Variants in RFX7 observed in about 807,000 individuals in gnomAD.
RFX7 encodes the protein regulatory factor X7, also known as DNA-binding protein RFX7.
A neutral mutation model predicts 111.8 loss-of-function variants in RFX7; 26 were observed. The observed-to-expected ratio is 0.23, with a 90% confidence interval of 0.17 to 0.32. RFX7 has a LOEUF of 0.32. Ranked by LOEUF, RFX7 falls within the 10% of genes least tolerant of loss-of-function variation. The probability of loss-of-function intolerance (pLI) is 1.00; values close to 1 mark genes in which losing one functional copy is unlikely to be tolerated. For synonymous variants in RFX7, 624 were observed against 624.4 expected, an observed-to-expected ratio of 1.00 and a Z score of 0.01; for missense variants, 1,573 against 1,772.9, an observed-to-expected ratio of 0.89 and a Z score of 2.02.
intron 3 of RFX7, among the ~76,000 whole-genome samples, chr15:56,177,437 A>G (rs2042914687): frequency 6.6e-6 from 1 of 152,186 alleles, no homozygotes; most frequent in African/African-American, 2.4e-5. Context: ...AAGGATCATG[A>G]GAGGAGAGAT....
In RFX7 at chr15:56,095,339, C is replaced by A; in HGVS notation, c.2389G>T (p.Glu797Ter). 1 of 1,613,830 alleles carries A rather than the reference C, an allele frequency of 6.2e-7. No individual in the cohort carries two copies. The highest frequency in any genetic ancestry group is 1.1e-5 in the South Asian group (1 of 91,070). ...KDSEFISASC[E>*]QQQDISVMTI... ...ATAACACTGATATCTTGCTGTTGTT[C>A]ACAACTGGCAGATATAAACTCAGAA... Residue 797 changes from glutamate (E) to a stop codon, truncating the protein, a stop_gained, in exon 10 of 10, where the codon GAA becomes TAA. Transcript: ENST00000559447. LOFTEE classifies it high-confidence loss of function.
intron 3 of RFX7, among the ~76,000 whole-genome samples, chr15:56,160,982 T>C (rs2042713438): frequency 6.6e-6 from 1 of 152,110 alleles, no homozygotes; most frequent in Admixed American, 6.6e-5. Flanking sequence ...CAATTTTTAC[T>C]GTACTGTATT....
In RFX7 at chr15:56,087,467, A is replaced by T. The variant is rs1224935077; in HGVS notation, c.*5878T>A. 3 of 456,664 alleles carry T rather than the reference A, an allele frequency of 6.6e-6. No individual in the cohort carries two copies. The highest frequency in any genetic ancestry group is 1.3e-5 in the Non-Finnish European group (3 of 226,970). The allele number at this position is 456,664 out of a possible 1,614,324, so 28.3% of individuals were successfully genotyped here. The stretch of plus-strand genomic sequence containing the variant: ...CAGGAGGGCTGCTTGAGTTCTAGCC[A>T]TCACATTTGCATTCCAGCCAGCAGA... On this transcript the variant is annotated 3_prime_UTR_variant, in exon 10 of 10. Transcript: ENST00000559447.
At chr15:56,228,179 AT>A (rs1418541081) in intron 2 of RFX7, among the ~76,000 whole-genome samples, 2 of 150,282 alleles carry the variant, frequency 1.3e-5, no homozygotes, top group South Asian at 2.1e-4. Context: ...GCCTAGGCAT[AT>A]TTTTTTTTGG....
chr15:56,240,491 C>T (rs1475887932), intron 2 of RFX7, among the ~76,000 whole-genome samples: 2 of 152,002 alleles, frequency 1.3e-5, no homozygotes, highest in African/African-American at 4.8e-5. Context: ...TTTATCAAAC[C>T]ATATTTCAGT....
At chr15:56,128,439 ATAATG>A (rs1299400590) in intron 5 of RFX7, among the ~76,000 whole-genome samples, 1 of 152,220 alleles carries the variant, frequency 6.6e-6, no homozygotes, top group Non-Finnish European at 1.5e-5. Flanking sequence ...TATAAAAATA[ATAATG>A]TAATACACTA....
At chr15:56,239,479 C>G (rs1281578638) in intron 2 of RFX7, among the ~76,000 whole-genome samples, 1 of 151,962 alleles carries the variant, frequency 6.6e-6, no homozygotes, top group Non-Finnish European at 1.5e-5. Flanking sequence ...CATGGCCAGG[C>G]TGGTCTTGAA....
rs1555427637 is a variant in RFX7, at chr15:56,236,955, C to CAATACTAAAGCACATGCCTACTA, written c.161+6169_161+6170insTAGTAGGCATGTGCTTTAGTATT. Among the ~76,000 whole-genome samples the CAATACTAAAGCACATGCCTACTA allele has an allele frequency of 7.9e-5, 12 of 152,300 alleles. No homozygotes were observed. In the East Asian group the frequency reaches 9.7e-4, roughly 12 times the overall value. ...GATTTGCACAGTTAATCTCACATAA[C>CAATACTAAAGCACATGCCTACTA]AGAACCCTTGCACAAGGTAGCAATA... On this transcript the variant is annotated intron_variant, in intron 2 of 9. Transcript: ENST00000559447.
chr15:56,119,141 A>C (rs1291742252), intron 5 of RFX7, among the ~76,000 whole-genome samples: 2 of 152,264 alleles, frequency 1.3e-5, no homozygotes, highest in South Asian at 2.1e-4. Context: ...TCTGTGGGTT[A>C]TCTCTTCACT....
intron 2 of RFX7, among the ~76,000 whole-genome samples, chr15:56,238,007 G>A (rs377116314): frequency 2.0e-5 from 3 of 152,024 alleles, no homozygotes; most frequent in Non-Finnish European, 4.4e-5. Context: ...TGTGCTAGTC[G>A]GTCTGTATTT....
intron 3 of RFX7, among the ~76,000 whole-genome samples, chr15:56,153,830 TAGGAAGAG>T (rs2042611897): frequency 6.6e-6 from 1 of 152,132 alleles, no homozygotes; most frequent in African/African-American, 2.4e-5. Context: ...GGTATTCAAA[TAGGAAGAG>T]AGGAAGTCAA....
rs746076426 is a variant in RFX7 at position 56,096,077 on chromosome 15, G to A, written c.1651C>T (p.Gln551Ter). Residue 551 changes from glutamine (Q) to a stop codon, truncating the protein, a stop_gained, in exon 10 of 10, where the codon CAG becomes TAG. Transcript: ENST00000559447. LOFTEE classifies it high-confidence loss of function. The part of the protein sequence containing the change: ...PETSSDEHPV[Q>*]CQENSDEAKA... ...GCCTCATCAGAGTTCTCTTGGCACT[G>A]TACAGGATGCTCATCTGATGATGTT... 6.2e-7 allele frequency: 1 copy of A among 1,613,604 alleles called. No individual in the cohort carries two copies. Among genetic ancestry groups the A allele is most frequent in the Non-Finnish European group, 8.5e-7 (1 of 1,179,738 alleles).
chr15:56,228,012 T>C (rs181131632), intron 2 of RFX7, among the ~76,000 whole-genome samples: 11 of 152,276 alleles, frequency 7.2e-5, no homozygotes, highest in African/African-American at 2.6e-4. Flanking sequence ...TTCTTTTTCT[T>C]CAACACCGAT....
intron 5 of RFX7, among the ~76,000 whole-genome samples, chr15:56,115,728 G>C (rs2042001300): frequency 1.3e-5 from 2 of 152,056 alleles, no homozygotes. Context: ...CATGAGATCA[G>C]GAGATTGAGA....
intron 3 of RFX7, among the ~76,000 whole-genome samples, chr15:56,167,841 G>C (rs376888896): frequency 6.6e-6 from 1 of 152,058 alleles, no homozygotes; most frequent in African/African-American, 2.4e-5. Flanking sequence ...TTTCACTTTA[G>C]TGAGCACACT....
intron 2 of RFX7, chr15:56,189,836 ATAAGTATTTATCC>A: frequency 1.3e-5 from 2 of 152,374 alleles, no homozygotes; most frequent in Middle Eastern, 3.4e-3. Flanking sequence ...TAAACCTACC[ATAAGTATTTATCC>A]AACAGGAATC....
At chr15:56,183,853 G>A (rs1331892094) in intron 2 of RFX7, among the ~76,000 whole-genome samples, 1 of 152,078 alleles carries the variant, frequency 6.6e-6, no homozygotes, top group African/African-American at 2.4e-5. Flanking sequence ...TCCTTAAAAT[G>A]TCATTTCCTT....
rs2041554557 is a variant in RFX7, at chr15:56,088,470, C to A, written c.*4875G>T. 6.6e-6 allele frequency: 1 copy of A among 152,114 alleles called. No individual in the cohort carries two copies. Among genetic ancestry groups the A allele is most frequent in the Non-Finnish European group, 1.5e-5 (1 of 68,004 alleles). 9.4% of individuals were successfully genotyped at this position (152,114 alleles called of 1,614,324 possible). A position where few individuals can be genotyped will look rare whatever the true frequency, so the allele number is the denominator to read the frequency against. On this transcript the variant is annotated 3_prime_UTR_variant, in exon 10 of 10. Transcript: ENST00000559447. ...TGATATATTTTATTTATATGACTCTCTTCTCCTCTCCAAGAATTAAGTACT... is the reference window on the plus strand; with the variant it reads ...TGATATATTTTATTTATATGACTCTATTCTCCTCTCCAAGAATTAAGTACT...
At position 56,214,490 on chromosome 15, in the gene RFX7, C is replaced by G. The variant is rs367583003; in HGVS notation, c.161+28635G>C. Among the ~76,000 whole-genome samples, 102 of 150,776 alleles carry G rather than the reference C, an allele frequency of 6.8e-4. 1 individual carries two copies. The highest frequency in any genetic ancestry group is 2.3e-3 in the African/African-American group (96 of 41,090). ...CAGCACTTTGGGAGGCCGAGGTGGG[C>G]GGATCACGAGGTCAGGAGATCGAGA... On this transcript the variant is annotated intron_variant, in intron 2 of 9. Coordinates refer to ENST00000559447, the MANE Select transcript of RFX7 (RefSeq NM_022841.7).
Sources: allele counts gnomAD v4.1 joint callset (sites outside exome capture counted in the v4.1 genomes callset), GRCh38; gene constraint gnomAD v4.1.1; transcripts MANE v1.5; gene names NCBI Gene and HGNC (gene_info 2026-07-23, HGNC 2026-07-21).